The following VSNL1 variants were observed in gnomAD, a reference collection of about 807,000 sequenced individuals.
VSNL1 encodes the protein visinin like 1.
A neutral mutation model predicts 20.4 loss-of-function variants in VSNL1; 6 were observed. The observed-to-expected ratio is 0.29, with a 90% confidence interval of 0.16 to 0.58. The LOEUF is 0.58. Among genes scored for constraint, VSNL1 ranks in the 20% least tolerant of loss-of-function variants. The pLI, the probability that VSNL1 is intolerant of heterozygous loss-of-function variation, is 0.90. For missense variants in VSNL1, 100 were observed against 234.5 expected, an observed-to-expected ratio of 0.43 and a Z score of 3.75; for synonymous variants, 93 against 86.4, an observed-to-expected ratio of 1.08 and a Z score of -0.42.
At chr2:17,592,613 A>C (rs1290966314) in intron 2 of VSNL1, among the ~76,000 whole-genome samples, 5 of 148,826 alleles carry the variant, frequency 3.4e-5, no homozygotes, top group Admixed American at 3.3e-4. Context: ...GAAAAAGTAC[A>C]CAAGAGGGCT....
At chr2:17,600,682 C>T (rs1664802872) in intron 2 of VSNL1, among the ~76,000 whole-genome samples, 2 of 152,076 alleles carry the variant, frequency 1.3e-5, no homozygotes, top group African/African-American at 4.8e-5. Flanking sequence ...GGTTTTAATT[C>T]CTTAAGGAAT....
chr2:17,557,031 T>A (rs1009155805), intron 1 of VSNL1, among the ~76,000 whole-genome samples: 9 of 152,176 alleles, frequency 5.9e-5, no homozygotes, highest in Non-Finnish European at 1.2e-4. Flanking sequence ...GCTTTTTTTT[T>A]AAGGATGCCA....
chr2:17,581,738 A>G (rs1219406939), intron 1 of VSNL1, among the ~76,000 whole-genome samples: 1 of 152,150 alleles, frequency 6.6e-6, no homozygotes, highest in Non-Finnish European at 1.5e-5. Flanking sequence ...CACTTAGTAC[A>G]GTCATCTTTA....
chr2:17,655,022 G>A lies in VSNL1; in HGVS notation c.379-175G>A, dbSNP rs1202113931. Among the ~76,000 whole-genome samples, 1 of 152,192 alleles carries A rather than the reference G, an allele frequency of 6.6e-6. No individual in the cohort carries two copies. Among genetic ancestry groups the A allele is most frequent in the Non-Finnish European group, 1.5e-5 (1 of 68,034 alleles). On this transcript the variant is annotated intron_variant, in intron 3 of 3. Coordinates refer to ENST00000295156, the MANE Select transcript of VSNL1 (RefSeq NM_003385.5). This position sits in a 1 kb window ranked among gnomAD's most constrained non-coding sequence, Gnocchi z 5.2. The stretch of plus-strand genomic sequence containing the variant: ...AAAGGTGAGATGTATTCTGTTGGGG[G>A]AAATGGTATGGGTTGTCACAGAAAC...
chr2:17,576,466 G>A (rs925344382), intron 1 of VSNL1, among the ~76,000 whole-genome samples: 1 of 152,110 alleles, frequency 6.6e-6, no homozygotes, highest in Non-Finnish European at 1.5e-5. Context: ...TATTTCTAGT[G>A]TTTTCTGGTG....
At chr2:17,553,596 G>GA (rs948903806) in intron 1 of VSNL1, among the ~76,000 whole-genome samples, 9 of 150,636 alleles carry the variant, frequency 6.0e-5, no homozygotes, top group South Asian at 2.1e-4. Context: ...GGGAAGTTTT[G>GA]AAAAAAAAAT....
intron 2 of VSNL1, among the ~76,000 whole-genome samples, chr2:17,593,237 C>T (rs1309420242): frequency 6.6e-6 from 1 of 152,122 alleles, no homozygotes; most frequent in East Asian, 1.9e-4. Context: ...TAAGAATACT[C>T]ATAGCTGCAC....
intron 1 of VSNL1, among the ~76,000 whole-genome samples, chr2:17,565,811 A>T (rs1333057979): frequency 6.6e-6 from 1 of 152,176 alleles, no homozygotes; most frequent in Non-Finnish European, 1.5e-5. Context: ...CATAATTCCC[A>T]CGTCATGGGA....
chr2:17,560,406 C>T (rs927404562), intron 1 of VSNL1, among the ~76,000 whole-genome samples: 11 of 151,944 alleles, frequency 7.2e-5, no homozygotes, highest in African/African-American at 2.7e-4. Flanking sequence ...ATGGAATAGG[C>T]ATATGAATAG....
chr2:17,575,990 A>T (rs557013866), intron 1 of VSNL1, among the ~76,000 whole-genome samples: 76 of 152,256 alleles, frequency 5.0e-4, no homozygotes, highest in African/African-American at 1.5e-3. Flanking sequence ...TTAAAAATAA[A>T]TTTTTTTGCA....
intron 3 of VSNL1, among the ~76,000 whole-genome samples, chr2:17,654,678 TC>T (rs1666187963): frequency 6.6e-6 from 1 of 152,224 alleles, no homozygotes; most frequent in African/African-American, 2.4e-5. Context: ...TTTGATTATG[TC>T]ATCTCTTATT....
rs565745230 is a variant in VSNL1 at position 17,614,280 on chromosome 2, T to G, written c.162+22044T>G. Among the ~76,000 whole-genome samples the G allele has an allele frequency of 3.3e-5, 5 of 152,372 alleles. No homozygotes were observed. The East Asian group carries it at 7.7e-4, about 23-fold the overall frequency. ...GCACTGAAGGCACACTTGCCTGTCA[T>G]CCCCAGTTGGGGGAAACATTGGCTT... On this transcript the variant is annotated intron_variant, in intron 2 of 3. Transcript: ENST00000295156.
intron 2 of VSNL1, among the ~76,000 whole-genome samples, chr2:17,628,911 C>T (rs1030616076): frequency 6.6e-6 from 1 of 152,218 alleles, no homozygotes; most frequent in Admixed American, 6.5e-5. Context: ...TCTGCCCCAC[C>T]TGCTTTGATT....
intron 2 of VSNL1, among the ~76,000 whole-genome samples, chr2:17,593,824 C>T (rs563806054): frequency 6.6e-6 from 1 of 152,310 alleles, no homozygotes; most frequent in Admixed American, 6.5e-5. Flanking sequence ...GATAACCATA[C>T]TACTCTCCCT....
At chr2:17,636,327 G>T (rs1194397989) in intron 2 of VSNL1, among the ~76,000 whole-genome samples, 1 of 152,120 alleles carries the variant, frequency 6.6e-6, no homozygotes, top group Non-Finnish European at 1.5e-5. Context: ...GCAGGAAAAG[G>T]CTGCAGCCTG....
intron 1 of VSNL1, among the ~76,000 whole-genome samples, chr2:17,587,751 A>G (rs1416506375): frequency 6.6e-6 from 1 of 152,176 alleles, no homozygotes; most frequent in Non-Finnish European, 1.5e-5. Context: ...TGGTTTAGCT[A>G]GGGTAAATTA....
At chr2:17,559,213 C>A (rs111810524) in intron 1 of VSNL1, among the ~76,000 whole-genome samples, 6,120 of 152,166 alleles carry the variant, frequency 0.04, 151 homozygotes, top group Middle Eastern at 0.078. Flanking sequence ...GGCATACATG[C>A]CATTGGCCAG....
intron 2 of VSNL1, among the ~76,000 whole-genome samples, chr2:17,626,538 G>A (rs1665512257): frequency 6.6e-6 from 1 of 152,198 alleles, no homozygotes; most frequent in Non-Finnish European, 1.5e-5. Flanking sequence ...GGAACCACCA[G>A]GGGAAGCACT....
intron 1 of VSNL1, among the ~76,000 whole-genome samples, chr2:17,569,027 G>A (rs1453181463): frequency 6.6e-6 from 1 of 151,982 alleles, no homozygotes; most frequent in Non-Finnish European, 1.5e-5. Context: ...TTTCATTGTC[G>A]CCAGGTATGG....
Sources: gnomAD v4.1 joint callset for allele counts (sites outside exome capture counted in the v4.1 genomes callset) on GRCh38, gnomAD v4.1.1 for gene constraint, Gnocchi (gnomAD v3.1) non-coding constraint, MANE v1.5 for transcripts, NCBI Gene and HGNC (gene_info 2026-07-23, HGNC 2026-07-21) for gene names.